Variants in DLG2 observed in about 807,000 individuals in gnomAD.
DLG2 encodes discs large MAGUK scaffold protein 2, also known as disks large homolog 2.
A neutral mutation model predicts 132.5 loss-of-function variants in DLG2; 45 were observed. The ratio of observed to expected loss-of-function variants is 0.34; its 90% CI spans 0.27 to 0.44. The LOEUF (loss-of-function observed/expected upper bound fraction) is 0.44, where lower values mean the gene tolerates loss of function less well. Among genes scored for constraint, DLG2 ranks in the 20% least tolerant of loss-of-function variants. The pLI, the probability that DLG2 is intolerant of heterozygous loss-of-function variation, is 1.00. For missense variants in DLG2, 1,045 were observed against 1,196.9 expected, an observed-to-expected ratio of 0.87 and a Z score of 1.87; for synonymous variants, 424 against 419.6, an observed-to-expected ratio of 1.01 and a Z score of -0.13.
At chr11:84,029,783 G>T (rs2095642417) in intron 11 of DLG2, among the ~76,000 whole-genome samples, 1 of 151,876 alleles carries the variant, frequency 6.6e-6, no homozygotes, top group Non-Finnish European at 1.5e-5. Flanking sequence ...TCTACTTTGG[G>T]GCTTTTGCGC....
At chr11:84,615,278 A>G (rs753253781) in intron 6 of DLG2, among the ~76,000 whole-genome samples, 5 of 152,090 alleles carry the variant, frequency 3.3e-5, no homozygotes, top group African/African-American at 9.7e-5. Context: ...AGTAACATTG[A>G]TCAATACCTA....
At chr11:85,381,938 C>A (rs2085927498) in intron 3 of DLG2, among the ~76,000 whole-genome samples, 1 of 152,030 alleles carries the variant, frequency 6.6e-6, no homozygotes, top group Non-Finnish European at 1.5e-5. Flanking sequence ...TTCCACATGA[C>A]CTTTATCAAA....
chr11:85,042,633 C>T (rs76095355), intron 6 of DLG2, among the ~76,000 whole-genome samples: 2,975 of 152,006 alleles, frequency 0.02, 51 homozygotes, highest in Admixed American at 0.042. Flanking sequence ...AAGGTACTTA[C>T]AAGTAGTAGC....
At chr11:84,077,774 A>G (rs1383022316) in intron 10 of DLG2, among the ~76,000 whole-genome samples, 1 of 152,224 alleles carries the variant, frequency 6.6e-6, no homozygotes, top group East Asian at 1.9e-4. Flanking sequence ...CTTCTTGAGC[A>G]GTTAAAAAAT....
intron 5 of DLG2, among the ~76,000 whole-genome samples, chr11:85,137,538 C>T (rs141979364): frequency 3.6e-3 from 545 of 152,204 alleles, no homozygotes; most frequent in Middle Eastern, 0.02. Context: ...AAGGCCTTCT[C>T]CTTAGCCAAA....
At chr11:84,172,036 C>T (rs1388095309) in intron 8 of DLG2, among the ~76,000 whole-genome samples, 3 of 152,102 alleles carry the variant, frequency 2.0e-5, no homozygotes, top group Non-Finnish European at 2.9e-5. Context: ...ACCTGGATTC[C>T]ATAACAGTTC....
At chr11:84,110,903 C>G (rs528155347) in intron 9 of DLG2, among the ~76,000 whole-genome samples, 19 of 152,228 alleles carry the variant, frequency 1.2e-4, no homozygotes, top group Non-Finnish European at 2.8e-4. Context: ...ATTTTGTAAA[C>G]TGCTCACCAT....
chr11:84,759,518 A>T (rs921732923), intron 6 of DLG2, among the ~76,000 whole-genome samples: 7 of 152,204 alleles, frequency 4.6e-5, no homozygotes, highest in Admixed American at 1.3e-4. Context: ...TTGAGCGTTT[A>T]TGATAATCTA....
intron 21 of DLG2, among the ~76,000 whole-genome samples, chr11:83,500,075 G>T (rs1343470241): frequency 6.6e-6 from 1 of 151,146 alleles, no homozygotes; most frequent in Non-Finnish European, 1.5e-5. Flanking sequence ...CCCCTCCATA[G>T]CAGAACTTAT....
At chr11:83,591,660 G>T (rs1277652587) in intron 19 of DLG2, among the ~76,000 whole-genome samples, 1 of 135,586 alleles carries the variant, frequency 7.4e-6, no homozygotes, top group Non-Finnish European at 1.6e-5. Context: ...GGCAGGAGAA[G>T]GAAATAAAGG....
chr11:85,365,368 T>G (rs1028125457), intron 3 of DLG2, among the ~76,000 whole-genome samples: 3 of 152,194 alleles, frequency 2.0e-5, no homozygotes, highest in Non-Finnish European at 4.4e-5. Flanking sequence ...TTCATTAACT[T>G]GCACACGTGT....
chr11:84,464,518 T>C (rs915124899), intron 7 of DLG2, among the ~76,000 whole-genome samples: 2 of 151,198 alleles, frequency 1.3e-5, no homozygotes, highest in African/African-American at 4.8e-5. Flanking sequence ...GCTTAAATGG[T>C]TCTATGATTT....
At chr11:85,005,698 C>T (rs1016079521) in intron 6 of DLG2, among the ~76,000 whole-genome samples, 11 of 152,160 alleles carry the variant, frequency 7.2e-5, no homozygotes, top group Non-Finnish European at 1.6e-4. Flanking sequence ...TTCCTCTCTT[C>T]CTATTTGAAT....
intron 10 of DLG2, 77 bp from the exon 11 acceptor site, chr11:84,059,561 C>T (rs1367079446): frequency 1.8e-6 from 2 of 1,124,384 alleles, no homozygotes; most frequent in Non-Finnish European, 2.4e-6. Flanking sequence ...GTTTATCTGA[C>T]CTTAAGAAGT....
chr11:84,326,444 C>G (rs1314371880), intron 7 of DLG2, among the ~76,000 whole-genome samples: 4 of 152,122 alleles, frequency 2.6e-5, no homozygotes, highest in Non-Finnish European at 4.4e-5. Flanking sequence ...CCATTTGTCT[C>G]AAGACATTTT....
chr11:84,653,185 C>T (rs1245135081), intron 6 of DLG2, among the ~76,000 whole-genome samples: 1 of 152,140 alleles, frequency 6.6e-6, no homozygotes, highest in African/African-American at 2.4e-5. Flanking sequence ...CTGCCTGGGC[C>T]TCCCAAAGGG....
chr11:84,272,560 A>G (rs2154365194), intron 7 of DLG2, among the ~76,000 whole-genome samples: 1 of 152,300 alleles, frequency 6.6e-6, no homozygotes, highest in South Asian at 2.1e-4. Context: ...AAACACAAAC[A>G]TTATTTCTCC....
intron 3 of DLG2, among the ~76,000 whole-genome samples, chr11:85,343,863 G>A (rs1043827590): frequency 1.3e-5 from 2 of 152,092 alleles, no homozygotes; most frequent in African/African-American, 2.4e-5. Flanking sequence ...CTTGGCAAAT[G>A]GGCTTTGAGC....
intron 6 of DLG2, among the ~76,000 whole-genome samples, chr11:84,681,742 C>T (rs527732726): frequency 6.6e-6 from 1 of 152,092 alleles, no homozygotes; most frequent in South Asian, 2.1e-4. Flanking sequence ...TAAAGTCACG[C>T]CCCTGCTGAG....
Sources: gnomAD v4.1 joint callset for allele counts (sites outside exome capture counted in the v4.1 genomes callset) on GRCh38, gnomAD v4.1.1 for gene constraint, MANE v1.5 for transcripts, NCBI Gene and HGNC (gene_info 2026-07-23, HGNC 2026-07-21) for gene names.